KLRG1: variants seen among roughly 807,000 people sequenced by gnomAD.
KLRG1 encodes the protein killer cell lectin like receptor G1.
Under a neutral mutation model 21.8 loss-of-function variants are expected in KLRG1, and 16 were observed. The ratio of observed to expected loss-of-function variants is 0.73; its 90% CI spans 0.50 to 1.11. The LOEUF (loss-of-function observed/expected upper bound fraction) is 1.11, where lower values mean the gene tolerates loss of function less well. Ranked by LOEUF, KLRG1 falls within the 50% of genes most tolerant of loss-of-function variation. KLRG1 has a pLI of 0.00. For synonymous variants in KLRG1, 69 were observed against 75.9 expected (o/e 0.91, Z 0.47); for missense variants, 173 against 218.3 (o/e 0.79, Z 1.31).
chr12:8,981,202 T>C (rs1312015905), intron 1 of KLRG1, among the ~76,000 whole-genome samples: 1 of 152,244 alleles, frequency 6.6e-6, no homozygotes, highest in Non-Finnish European at 1.5e-5. Context: ...TCAGTCTTAA[T>C]CTTGTCAAAG....
the KLRG1 span, chr12:9,027,779 C>G: frequency 1.3e-5 from 18 of 1,364,666 alleles, 1 homozygote; most frequent in South Asian, 2.1e-4. Context: ...CCATTGCCAC[C>G]ATATCCACCA....
chr12:9,135,595 T>G, the KLRG1 span: 1 of 316,216 alleles, frequency 3.2e-6, no homozygotes, highest in African/African-American at 2.3e-5. Context: ...TGTATCAGGT[T>G]AAGATGGATC....
chr12:9,154,797 G>A, the KLRG1 span: 8 of 1,614,150 alleles, frequency 5.0e-6, no homozygotes, highest in Non-Finnish European at 6.8e-6. Context: ...ATGCCCCACT[G>A]GTGCCTTGGG....
the KLRG1 span, among the ~76,000 whole-genome samples, chr12:9,190,536 C>T: frequency 6.6e-6 from 1 of 151,560 alleles, no homozygotes; most frequent in East Asian, 1.9e-4. Context: ...GACATTGAGG[C>T]CTATTGGAGG....
chr12:9,116,582 C>G, the KLRG1 span, among the ~76,000 whole-genome samples: 15 of 152,234 alleles, frequency 9.9e-5, no homozygotes, highest in African/African-American at 3.4e-4. Flanking sequence ...CCTTTACCAT[C>G]GACTACACAG....
At chr12:9,099,210 AAGGAAT>A in the KLRG1 span, among the ~76,000 whole-genome samples, 1 of 139,054 alleles carries the variant, frequency 7.2e-6, no homozygotes, top group Non-Finnish European at 1.6e-5. Context: ...AGTTTTGTAT[AAGGAAT>A]CAAGTGATTC....
the KLRG1 span, chr12:9,163,890 G>A: frequency 7.1e-7 from 1 of 1,414,378 alleles, no homozygotes; most frequent in African/African-American, 1.4e-5. Flanking sequence ...TAGAAAATAA[G>A]GCTAAAAAAA....
chr12:9,033,700 G>C, the KLRG1 span, among the ~76,000 whole-genome samples: 1 of 152,236 alleles, frequency 6.6e-6, no homozygotes, highest in Admixed American at 6.5e-5. Context: ...CTATTGTTTA[G>C]AGAGGCCCAG....
At chr12:9,149,748 G>T in the KLRG1 span, 1 of 652,704 alleles carries the variant, frequency 1.5e-6, no homozygotes, top group Non-Finnish European at 2.6e-6. Flanking sequence ...GAATTAAACA[G>T]GATCATTAAC....
chr12:9,201,869 C>A, the KLRG1 span, among the ~76,000 whole-genome samples: 48 of 151,902 alleles, frequency 3.2e-4, no homozygotes, highest in Middle Eastern at 3.2e-3. Context: ...AAGGGAAATT[C>A]AATTAGCATA....
the KLRG1 span, chr12:9,156,254 C>G: frequency 4.9e-6 from 1 of 205,606 alleles, no homozygotes; most frequent in Non-Finnish European, 1.1e-5. Context: ...GCTTCCAGTA[C>G]CTTCGCTTTG....
chr12:9,027,877 C>T, the KLRG1 span: 1 of 891,848 alleles, frequency 1.1e-6, no homozygotes, highest in Non-Finnish European at 1.9e-6. Flanking sequence ...CCTCCATGAC[C>T]ACTACCAAAG....
chr12:9,150,618 G>T, the KLRG1 span: 2 of 1,467,720 alleles, frequency 1.4e-6, no homozygotes, highest in Non-Finnish European at 1.9e-6. Context: ...CTCTGGTTAA[G>T]ATTGTTTCAT....
At chr12:9,042,130 C>T in the KLRG1 span, among the ~76,000 whole-genome samples, 1 of 152,126 alleles carries the variant, frequency 6.6e-6, no homozygotes, top group African/African-American at 2.4e-5. Context: ...GATAAGGTGG[C>T]TAAGGAAGTA....
chr12:9,017,729 A>T, the KLRG1 span, among the ~76,000 whole-genome samples: 1 of 152,206 alleles, frequency 6.6e-6, no homozygotes, highest in Non-Finnish European at 1.5e-5. Context: ...CATTTTCACC[A>T]CCGTTATTCA....
chr12:9,100,486 C>T, the KLRG1 span, among the ~76,000 whole-genome samples: 2 of 151,470 alleles, frequency 1.3e-5, no homozygotes, highest in Non-Finnish European at 2.9e-5. Flanking sequence ...ACTATGTTGA[C>T]CAGGCTGGTC....
At chr12:8,985,523 C>T (rs1946829421), upstream of KLRG1, among the ~76,000 whole-genome samples, 1 of 152,216 alleles carries the variant, frequency 6.6e-6, no homozygotes, top group Non-Finnish European at 1.5e-5. Flanking sequence ...CACCCACAGA[C>T]ACCAGTCACA....
At chr12:9,138,954 A>C in the KLRG1 span, among the ~76,000 whole-genome samples, 1 of 146,382 alleles carries the variant, frequency 6.8e-6, no homozygotes, top group Non-Finnish European at 1.5e-5. Flanking sequence ...AATTTTTGTT[A>C]TTTCTTTCTC....
chr12:9,186,354 G>A, the KLRG1 span, among the ~76,000 whole-genome samples: 4 of 152,142 alleles, frequency 2.6e-5, no homozygotes, highest in Non-Finnish European at 4.4e-5. Flanking sequence ...ACACAAACAA[G>A]TTGACAAACA....
Sources: gnomAD v4.1 joint callset for allele counts (sites outside exome capture counted in the v4.1 genomes callset) on GRCh38, gnomAD v4.1.1 for gene constraint, MANE v1.5 for transcripts, NCBI Gene and HGNC (gene_info 2026-07-23, HGNC 2026-07-21) for gene names.